The following ASAP2 variants were observed in gnomAD, a reference collection of about 807,000 sequenced individuals.
The protein encoded by ASAP2 is arf-GAP with SH3 domain, ANK repeat and PH domain-containing protein 2.
A neutral mutation model predicts 131.4 loss-of-function variants in ASAP2; 45 were observed. The ratio of observed to expected loss-of-function variants is 0.34; its 90% confidence interval spans 0.27 to 0.44. The LOEUF (loss-of-function observed/expected upper bound fraction) is 0.44, where lower values mean the gene tolerates loss of function less well. Ranked by LOEUF, ASAP2 falls within the 20% of genes least tolerant of loss-of-function variation. The pLI is 1.00. For missense variants in ASAP2, 1,011 were observed against 1,297.0 expected (o/e 0.78, Z 3.39); for synonymous variants, 510 against 503.0 (o/e 1.01, Z -0.19).
intron 9 of ASAP2, chr2:9,335,918 T>G (rs2148568057): frequency 6.6e-6 from 1 of 152,354 alleles, no homozygotes. Context: ...GCTAAACTAC[T>G]TGACAGCATA....
In ASAP2 at chr2:9,393,684, C is replaced by A. The variant is rs1346040645; in HGVS notation, c.2684+37C>A. On this transcript the variant is annotated intron_variant, in intron 24 of 27. Transcript: ENST00000281419. ...CCAGCCAGCTCGGCCATCCGTGCTC[C>A]TGCCCTCTGACCTCACCTGCCCAGG... 2.0e-6 allele frequency: 3 copies of A among 1,538,068 alleles called. No individual in the cohort carries two copies. The African/African-American group carries it at 4.1e-5, about 21-fold the overall frequency.
At chr2:9,322,612 A>G (rs528721104) in intron 5 of ASAP2, among the ~76,000 whole-genome samples, 1 of 152,342 alleles carries the variant, frequency 6.6e-6, no homozygotes, top group Non-Finnish European at 1.5e-5. Context: ...TAGGCACAAG[A>G]TGAATGTAGA....
chr2:9,292,523 A>G (rs1305017022), intron 2 of ASAP2, among the ~76,000 whole-genome samples: 1 of 152,136 alleles, frequency 6.6e-6, no homozygotes, highest in Non-Finnish European at 1.5e-5. Flanking sequence ...ATCTCAAAAC[A>G]AAAACAAAAA....
At chr2:9,260,714 G>A (rs1665520182) in intron 1 of ASAP2, among the ~76,000 whole-genome samples, 1 of 152,112 alleles carries the variant, frequency 6.6e-6, no homozygotes, top group Non-Finnish European at 1.5e-5. Context: ...TACCATAGGG[G>A]AATGGGGTCA....
At chr2:9,249,155 C>G (rs961923836) in intron 1 of ASAP2, among the ~76,000 whole-genome samples, 1 of 152,212 alleles carries the variant, frequency 6.6e-6, no homozygotes, top group African/African-American at 2.4e-5. Context: ...TAGGCTGGCC[C>G]TCTTGGGGCC....
rs936818956 is a variant in ASAP2 at position 9,389,103 on chromosome 2, G to C, written c.2383+557G>C. On this transcript the variant is annotated intron_variant, in intron 22 of 27. Transcript: ENST00000281419. This position sits in a 1 kb window ranked among gnomAD's most constrained non-coding sequence, Gnocchi z 4.7. ...GCTTTTCTTACCTCAGCTGTAACCTGGAGGTTTTGACTCAACAGGTGACAC... is the reference window on the plus strand; with the variant it reads ...GCTTTTCTTACCTCAGCTGTAACCTCGAGGTTTTGACTCAACAGGTGACAC... Among the ~76,000 whole-genome samples, 1 of 152,240 alleles carries C rather than the reference G, an allele frequency of 6.6e-6. No individual in the cohort carries two copies. The highest frequency in any genetic ancestry group is 1.5e-5 in the Non-Finnish European group (1 of 68,046).
intron 17 of ASAP2, 130 bp downstream of exon 17, chr2:9,375,074 A>C: frequency 1.6e-6 from 1 of 634,982 alleles, no homozygotes; most frequent in Non-Finnish European, 2.4e-6. Flanking sequence ...GTTTGAGATC[A>C]GCCTGGGCAC....
rs997205306 is a variant in ASAP2, at chr2:9,405,217, G to A, written c.*1890G>A. On this transcript the variant is annotated 3_prime_UTR_variant, in exon 28 of 28. Transcript: ENST00000281419. ...GTAACTAATAGTACTCTTACCAGAG[G>A]AGAAATTATATTAACGACCCTGCTA... 6.6e-6 allele frequency: 1 copy of A among 152,112 alleles called. No homozygotes were observed. Among genetic ancestry groups the A allele is most frequent in the African/African-American group, 2.4e-5 (1 of 41,420 alleles). The allele number at this position is 152,112 out of a possible 1,614,324, so 9.4% of individuals were successfully genotyped here. A position where few individuals can be genotyped will look rare whatever the true frequency, so the allele number is the denominator to read the frequency against.
chr2:9,307,301 T>A (rs1669008071), intron 3 of ASAP2, among the ~76,000 whole-genome samples: 1 of 152,114 alleles, frequency 6.6e-6, no homozygotes, highest in Non-Finnish European at 1.5e-5. Flanking sequence ...TGAGAACCAC[T>A]GCCCCAAGGA....
chr2:9,256,840 A>G (rs2148173382), intron 1 of ASAP2, among the ~76,000 whole-genome samples: 1 of 152,334 alleles, frequency 6.6e-6, no homozygotes, highest in Non-Finnish European at 1.5e-5. Flanking sequence ...TTAAAAAAGC[A>G]CTGACCGAGA....
At chr2:9,361,988 T>C (rs1405098529) in intron 15 of ASAP2, among the ~76,000 whole-genome samples, 2 of 151,444 alleles carry the variant, frequency 1.3e-5, no homozygotes, top group African/African-American at 4.9e-5. Flanking sequence ...TGTGTGTGTG[T>C]GTGTGTGTGT....
chr2:9,213,913 A>G (rs1475930971), intron 1 of ASAP2, among the ~76,000 whole-genome samples: 12 of 152,168 alleles, frequency 7.9e-5, no homozygotes, highest in African/African-American at 2.4e-4. Context: ...TCCAGGGTCA[A>G]TCAAGGAAAG....
chr2:9,218,106 T>A (rs1403432613), intron 1 of ASAP2, among the ~76,000 whole-genome samples: 1 of 152,152 alleles, frequency 6.6e-6, no homozygotes, highest in African/African-American at 2.4e-5. Context: ...AGAGTAAGAA[T>A]CCCAGTGCTG....
intron 1 of ASAP2, among the ~76,000 whole-genome samples, chr2:9,243,119 GT>G: frequency 6.6e-6 from 1 of 152,132 alleles, no homozygotes; most frequent in South Asian, 2.1e-4. Context: ...GTTTTGTTTT[GT>G]TTTTTTGAGA....
intron 1 of ASAP2, among the ~76,000 whole-genome samples, chr2:9,210,270 G>T (rs1055602901): frequency 6.6e-6 from 1 of 152,246 alleles, no homozygotes; most frequent in African/African-American, 2.4e-5. Context: ...CTTGCCAGCT[G>T]AGTGAACTTG....
chr2:9,330,717 C>T lies in ASAP2; in HGVS notation c.686+2806C>T, dbSNP rs1218626302. Among the ~76,000 whole-genome samples, 6 of 152,082 alleles carry T rather than the reference C, an allele frequency of 3.9e-5. No homozygotes were observed. In the East Asian group the frequency reaches 9.6e-4, roughly 24 times the overall value. On this transcript the variant is annotated intron_variant, in intron 7 of 27. Transcript: ENST00000281419. The stretch of plus-strand genomic sequence containing the variant: ...ATGTCAGGCAATTTAGGAAGTGGGT[C>T]GCTTCCTTGCTGATATTTTATTTTT...
chr2:9,380,568 A>C (rs188924821), intron 19 of ASAP2, among the ~76,000 whole-genome samples, 173 bp from the exon 20 acceptor site: 250 of 152,334 alleles, frequency 1.6e-3, no homozygotes, highest in Admixed American at 4.8e-3. Context: ...CTGTAGTTCT[A>C]TACAATTACA....
chr2:9,277,305 G>T (rs1012431432), intron 1 of ASAP2, among the ~76,000 whole-genome samples: 1 of 152,224 alleles, frequency 6.6e-6, no homozygotes, highest in Non-Finnish European at 1.5e-5. Context: ...CCTAGGTCCC[G>T]CGAGTCTGCG....
intron 15 of ASAP2, among the ~76,000 whole-genome samples, chr2:9,368,214 A>T (rs541654713): frequency 6.6e-6 from 1 of 152,180 alleles, no homozygotes; most frequent in African/African-American, 2.4e-5. Flanking sequence ...TTTTATGACA[A>T]TGCGTCTCTG....
Sources: gnomAD v4.1 joint callset for allele counts (sites outside exome capture counted in the v4.1 genomes callset) on GRCh38, gnomAD v4.1.1 for gene constraint, Gnocchi (gnomAD v3.1) non-coding constraint, MANE v1.5 for transcripts, NCBI Gene and HGNC (gene_info 2026-07-23, HGNC 2026-07-21) for gene names.